KANSL1L: variants seen among roughly 807,000 people sequenced by gnomAD.
KANSL1L encodes KAT8 regulatory NSL complex subunit 1 like.
Under a neutral mutation model 108.6 loss-of-function variants are expected in KANSL1L, and 25 were observed. That is an observed-to-expected ratio of 0.23 (90% CI 0.17 to 0.32). The LOEUF (loss-of-function observed/expected upper bound fraction) is 0.32, where lower values mean the gene tolerates loss of function less well. Ranked by LOEUF, KANSL1L falls within the 10% of genes least tolerant of loss-of-function variation. The pLI is 1.00. For synonymous variants in KANSL1L, 405 were observed against 395.1 expected, an observed-to-expected ratio of 1.03 and a Z score of -0.30; for missense variants, 1,137 against 1,125.7, an observed-to-expected ratio of 1.01 and a Z score of -0.14.
At chr2:210,120,854 T>C (rs866048840) in intron 3 of KANSL1L, among the ~76,000 whole-genome samples, 1 of 152,072 alleles carries the variant, frequency 6.6e-6, no homozygotes, top group Admixed American at 6.6e-5. Flanking sequence ...AAAGACACTT[T>C]TCAACAGAAG....
At chr2:210,132,169 A>G (rs1201609659) in intron 2 of KANSL1L, among the ~76,000 whole-genome samples, 1 of 152,206 alleles carries the variant, frequency 6.6e-6, no homozygotes, top group Non-Finnish European at 1.5e-5. Flanking sequence ...ATATATGGCT[A>G]ACTTGCTCAA....
intron 6 of KANSL1L, among the ~76,000 whole-genome samples, chr2:210,073,172 A>G (rs1165528986): frequency 6.6e-6 from 1 of 152,094 alleles, no homozygotes; most frequent in Non-Finnish European, 1.5e-5. Context: ...CTTTCTGTTA[A>G]CATTACGATG....
intron 2 of KANSL1L, among the ~76,000 whole-genome samples, chr2:210,150,743 T>C (rs1020476344): frequency 2.0e-5 from 3 of 149,002 alleles, no homozygotes; most frequent in African/African-American, 7.5e-5. Flanking sequence ...GATCGTGCCA[T>C]TGCACTCCAG....
chr2:210,057,723 C>T (rs2094368305), intron 6 of KANSL1L, among the ~76,000 whole-genome samples: 1 of 152,160 alleles, frequency 6.6e-6, no homozygotes, highest in Non-Finnish European at 1.5e-5. Flanking sequence ...TTTATTAGTT[C>T]CCCAAATTAA....
chr2:210,047,527 ATC>A (rs1448013403), intron 6 of KANSL1L, among the ~76,000 whole-genome samples: 9 of 152,254 alleles, frequency 5.9e-5, no homozygotes, highest in African/African-American at 2.2e-4. Flanking sequence ...CCTCATTTCC[ATC>A]TGAGGTTTTA....
chr2:210,131,132 C>T (rs144191995), intron 2 of KANSL1L, among the ~76,000 whole-genome samples: 355 of 152,224 alleles, frequency 2.3e-3, no homozygotes, highest in African/African-American at 8.0e-3. Flanking sequence ...GAGAGTATAG[C>T]TACAAGATGG....
chr2:210,084,250 C>T (rs183304416), intron 5 of KANSL1L, among the ~76,000 whole-genome samples: 13 of 152,144 alleles, frequency 8.5e-5, no homozygotes, highest in Admixed American at 7.2e-4. Flanking sequence ...GGTGAAACCC[C>T]GTCTCTACTA....
chr2:210,081,521 A>G (rs551502123), intron 5 of KANSL1L, among the ~76,000 whole-genome samples: 5 of 152,306 alleles, frequency 3.3e-5, no homozygotes, highest in Non-Finnish European at 7.3e-5. Context: ...GCATTTTCAT[A>G]GTGATAATTT....
Position 210,024,144 on chromosome 2 carries a change from G to GTTA in KANSL1L, c.2619_2621dup (p.Asn874dup). 1 of 1,610,022 alleles carries GTTA rather than the reference G, an allele frequency of 6.2e-7. No individual in the cohort carries two copies. Among genetic ancestry groups the GTTA allele is most frequent in the Non-Finnish European group, 8.5e-7 (1 of 1,177,968 alleles). On this transcript the variant is annotated inframe_insertion, in exon 14 of 15. Transcript: ENST00000281772. ...CAGCACATTGCTGACTGCTACTGAA[G>GTTA]TTATTAGGGTATTCTTTCAAAAGCA... is the stretch of plus-strand genomic sequence containing the variant.
intron 3 of KANSL1L, among the ~76,000 whole-genome samples, chr2:210,127,728 G>A (rs2095079775): frequency 7.2e-6 from 1 of 139,606 alleles, no homozygotes; most frequent in Non-Finnish European, 1.5e-5. Context: ...GAGCCCGGGA[G>A]GTCAAGGCTG....
chr2:210,104,592 A>G (rs192477956), intron 3 of KANSL1L, among the ~76,000 whole-genome samples: 1 of 152,334 alleles, frequency 6.6e-6, no homozygotes, highest in East Asian at 1.9e-4. Context: ...ATTAAAATAA[A>G]AAAAGGCATA....
rs542297120 is a variant in KANSL1L, at chr2:210,102,653, G to A, written c.1428+1451C>T. On this transcript the variant is annotated intron_variant, in intron 4 of 14. Transcript: ENST00000281772. ...CAAACAACCCCATCAACAAGTGGGC[G>A]AAGGATATGAATAGACACTTCTCAA... Among the ~76,000 whole-genome samples, 8 of 152,214 alleles carry A rather than the reference G, an allele frequency of 5.3e-5. No homozygotes were observed. In the South Asian group the frequency reaches 1.0e-3, roughly 20 times the overall value.
intron 5 of KANSL1L, among the ~76,000 whole-genome samples, chr2:210,086,358 T>G (rs551605737): frequency 6.6e-6 from 1 of 152,134 alleles, no homozygotes; most frequent in South Asian, 2.1e-4. Context: ...CATTTTAGAG[T>G]ATGAGATCTG....
At chr2:210,050,704 A>AAAAAAAAAAAATT (rs2094282389) in intron 6 of KANSL1L, among the ~76,000 whole-genome samples, 1 of 151,692 alleles carries the variant, frequency 6.6e-6, no homozygotes, top group Non-Finnish European at 1.5e-5. Context: ...AAAAAAAAAA[A>AAAAAAAAAAAATT]AAAAAAAAAA....
At chr2:210,115,101 T>C (rs899247287) in intron 3 of KANSL1L, among the ~76,000 whole-genome samples, 1 of 152,130 alleles carries the variant, frequency 6.6e-6, no homozygotes, top group African/African-American at 2.4e-5. Context: ...TTTTTAGTAA[T>C]TACGTTAAGT....
rs56192231 is a variant in KANSL1L at position 210,056,395 on chromosome 2, T to G, written c.1756-12291A>C. On this transcript the variant is annotated intron_variant, in intron 6 of 14. Coordinates refer to ENST00000281772, the MANE Select transcript of KANSL1L (RefSeq NM_152519.4). ...CACTCCTCCACACCAAAACCATCAC[T>G]GATTCCCTGATGTTGTGCTAATCAC... Among the ~76,000 whole-genome samples, 1,265 of 152,374 alleles carry G rather than the reference T, an allele frequency of 8.3e-3. 21 individuals are homozygous for G. The highest frequency in any genetic ancestry group is 0.029 in the African/African-American group (1,190 of 41,580).
intron 2 of KANSL1L, among the ~76,000 whole-genome samples, chr2:210,129,990 C>CAAAAAAAAAAAAAAA (rs11439121): frequency 7.4e-6 from 1 of 135,848 alleles, no homozygotes; most frequent in Non-Finnish European, 1.6e-5. Flanking sequence ...ATGCAGATTG[C>CAAAAAAAAAAAAAAA]AAAAAAAAAA....
intron 6 of KANSL1L, among the ~76,000 whole-genome samples, chr2:210,068,075 A>G (rs1051005262): frequency 5.3e-5 from 8 of 151,972 alleles, no homozygotes; most frequent in African/African-American, 1.5e-4. Flanking sequence ...ATGAGGTTTC[A>G]CCATGTTGGC....
intron 6 of KANSL1L, among the ~76,000 whole-genome samples, chr2:210,055,380 G>A (rs534301345): frequency 6.6e-6 from 1 of 152,196 alleles, no homozygotes; most frequent in African/African-American, 2.4e-5. Flanking sequence ...AAAGAGTGAG[G>A]TGCTGCTATC....
Sources: allele counts gnomAD v4.1 joint callset (sites outside exome capture counted in the v4.1 genomes callset), GRCh38; gene constraint gnomAD v4.1.1; transcripts MANE v1.5; gene names NCBI Gene and HGNC (gene_info 2026-07-23, HGNC 2026-07-21).